NGLY1: variants seen among roughly 807,000 people sequenced by gnomAD.
NGLY1 encodes peptide-N(4)-(N-acetyl-beta-glucosaminyl)asparagine amidase.
NGLY1 carries 68 observed loss-of-function variants against 84.6 expected under a neutral mutation model. The ratio of observed to expected loss-of-function variants is 0.80; its 90% CI spans 0.66 to 0.98. The LOEUF is 0.98. Ranked by LOEUF, NGLY1 falls within the 50% of genes least tolerant of loss-of-function variation. The pLI is 0.00. For synonymous variants in NGLY1, 280 were observed against 275.2 expected (o/e 1.02, Z -0.17); for missense variants, 779 against 770.2 (o/e 1.01, Z -0.14).
At chr3:25,737,571 C>T in intron 5 of NGLY1, 116 bp from the exon 6 acceptor site, 2 of 965,208 alleles carry the variant, frequency 2.1e-6, no homozygotes, top group East Asian at 6.5e-5. Flanking sequence ...GAGACGGAGT[C>T]TTGCTCTGTC....
At chr3:25,745,196 A>G (rs1040788598) in intron 4 of NGLY1, among the ~76,000 whole-genome samples, 1 of 152,132 alleles carries the variant, frequency 6.6e-6, no homozygotes, top group Non-Finnish European at 1.5e-5. Flanking sequence ...GTTGTCACTA[A>G]CTTGTGGTTA....
At chr3:25,778,542 AGAGGG>A (rs1708255693) in intron 2 of NGLY1, 27 bp downstream of exon 2, 1 of 1,246,974 alleles carries the variant, frequency 8.0e-7, no homozygotes, top group African/African-American at 1.5e-5. Context: ...TTGTGCATGA[AGAGGG>A]GAGAGGAAAT....
At chr3:25,739,307 A>G (rs113349729) in intron 5 of NGLY1, among the ~76,000 whole-genome samples, 2 of 152,332 alleles carry the variant, frequency 1.3e-5, no homozygotes, top group African/African-American at 4.8e-5. Flanking sequence ...TTTGTGGGTC[A>G]TATCATTTCT....
intron 2 of NGLY1, among the ~76,000 whole-genome samples, chr3:25,775,451 C>G (rs921179393): frequency 6.6e-6 from 1 of 152,022 alleles, no homozygotes; most frequent in Non-Finnish European, 1.5e-5. Flanking sequence ...GAATATTATT[C>G]CACCATAAAA....
upstream of NGLY1, among the ~76,000 whole-genome samples, chr3:25,787,418 C>T (rs924397230): frequency 1.3e-5 from 2 of 152,198 alleles, no homozygotes; most frequent in Non-Finnish European, 2.9e-5. Context: ...CACATCCTTC[C>T]AACCCACCCT....
At position 25,783,283 on chromosome 3, in the gene NGLY1, G is replaced by A. The variant is rs2125331364; in HGVS notation, c.108C>T (p.Leu36=). Residue 36 remains leucine (L), a synonymous_variant, in exon 1 of 12, where the codon CTC becomes CTT. Transcript: ENST00000280700. The surrounding 1 kb of genome is among the most constrained non-coding windows in gnomAD (Gnocchi z 4.5). ...ACCTGAGGATGTTGTCAGCATAGGT[G>A]AGCAGCAGCTTGGAGGCCTCCAAAA... ...ETFLEASKLL[L]TYADNILRNP... 6.2e-7 allele frequency: 1 copy of A among 1,609,514 alleles called. No homozygotes were observed. Among genetic ancestry groups the A allele is most frequent in the African/African-American group, 1.3e-5 (1 of 74,346 alleles).
chr3:25,736,395 G>T, intron 6 of NGLY1: 1 of 1,548,732 alleles, frequency 6.5e-7, no homozygotes, highest in Non-Finnish European at 8.7e-7. Context: ...AATGTGCGCT[G>T]TAACTCTTAA....
At chr3:25,731,133 C>T (rs1210392625) in intron 9 of NGLY1, among the ~76,000 whole-genome samples, 1 of 152,008 alleles carries the variant, frequency 6.6e-6, no homozygotes. Flanking sequence ...ATGCCACCAA[C>T]AATTTCTAGC....
chr3:25,719,441 T>G lies in NGLY1; in HGVS notation c.*19A>C. ...GTAAGTCCTTGATTATTGCCAGCTT[T>G]TCTATAATGTTCAGGTTCTCAAAGG... On this transcript the variant is annotated 3_prime_UTR_variant, in exon 12 of 12. Transcript: ENST00000280700. 12 of 1,608,194 alleles carry G rather than the reference T, an allele frequency of 7.5e-6. No homozygotes were observed. Among genetic ancestry groups the G allele is most frequent in the Non-Finnish European group, 1.0e-5 (12 of 1,175,650 alleles).
chr3:25,759,911 T>TAA (rs748237273), intron 3 of NGLY1, among the ~76,000 whole-genome samples: 610 of 60,724 alleles, frequency 0.01, 2 homozygotes, highest in African/African-American at 0.018. Context: ...CTTCTTTAGT[T>TAA]AAAAAAACAC....
intron 1 of NGLY1, among the ~76,000 whole-genome samples, chr3:25,781,780 T>C (rs953897671): frequency 6.6e-6 from 1 of 152,188 alleles, no homozygotes; most frequent in Non-Finnish European, 1.5e-5. Flanking sequence ...CATGCAAAGG[T>C]TTCCCCCTCA....
chr3:25,726,196 A>G (rs1292812448), intron 10 of NGLY1, among the ~76,000 whole-genome samples: 1 of 152,266 alleles, frequency 6.6e-6, no homozygotes, highest in East Asian at 1.9e-4. Context: ...AGTGCTCTAC[A>G]TAGCCCTAGG....
intron 10 of NGLY1, among the ~76,000 whole-genome samples, chr3:25,722,272 C>CATATATATATATAT (rs1308204639): frequency 5.6e-4 from 38 of 67,288 alleles, no homozygotes; most frequent in African/African-American, 1.0e-3. Context: ...TCTGTATACA[C>CATATATATATATAT]ACATATATAT....
chr3:25,733,679 T>G (rs1705669199), intron 8 of NGLY1, among the ~76,000 whole-genome samples, 193 bp downstream of exon 8: 1 of 152,174 alleles, frequency 6.6e-6, no homozygotes, highest in African/African-American at 2.4e-5. Flanking sequence ...TCATAATATT[T>G]AAAATGAGTC....
At chr3:25,787,045 G>C (rs146818024), upstream of NGLY1, among the ~76,000 whole-genome samples, 2 of 152,336 alleles carry the variant, frequency 1.3e-5, no homozygotes, top group African/African-American at 4.8e-5. Flanking sequence ...AAACTTGTCA[G>C]AAAAACAAAT....
chr3:25,744,348 A>C (rs1706311408), intron 4 of NGLY1, among the ~76,000 whole-genome samples: 1 of 152,240 alleles, frequency 6.6e-6, no homozygotes, highest in Admixed American at 6.5e-5. Context: ...TCAGTCTACC[A>C]GGCCAAAGCT....
At chr3:25,747,801 A>G (rs892054886) in intron 4 of NGLY1, among the ~76,000 whole-genome samples, 1 of 152,226 alleles carries the variant, frequency 6.6e-6, no homozygotes, top group Non-Finnish European at 1.5e-5. Context: ...AGAAGTCACT[A>G]GAGCCATAAA....
chr3:25,734,813 C>T (rs1456782650), intron 7 of NGLY1: 27 of 946,050 alleles, frequency 2.9e-5, no homozygotes, highest in South Asian at 9.7e-5. Context: ...TAACCAGAAA[C>T]GCTATGATAA....
In NGLY1 at chr3:25,737,379, A is replaced by G; in HGVS notation, c.958T>C (p.Cys320Arg). The G allele has an allele frequency of 6.2e-7, 1 of 1,613,990 alleles. No homozygotes were observed. The highest frequency in any genetic ancestry group is 1.1e-5 in the South Asian group (1 of 91,056). Residue 320 changes from cysteine (C) to arginine (R), a missense_variant, in exon 6 of 12, where the codon TGC becomes CGC. Transcript: ENST00000280700. ...CGAGCTTCAAACCCTACAGCTCGGC[A>G]GCACAGTGTAAAACAATTGGCCCAC... ...GEWANCFTLC[C>R]RAVGFEARYV...
Sources: gnomAD v4.1 joint callset for allele counts (sites outside exome capture counted in the v4.1 genomes callset) on GRCh38, gnomAD v4.1.1 for gene constraint, Gnocchi (gnomAD v3.1) non-coding constraint, MANE v1.5 for transcripts, NCBI Gene and HGNC (gene_info 2026-07-23, HGNC 2026-07-21) for gene names.